The following SHANK2 variants were observed in gnomAD, a reference collection of about 807,000 sequenced individuals.
SHANK2 encodes SH3 and multiple ankyrin repeat domains 2.
Under a neutral mutation model 133.7 loss-of-function variants are expected in SHANK2, and 43 were observed. That is an observed-to-expected ratio of 0.32 (90% CI 0.25 to 0.41). SHANK2 has a LOEUF of 0.41. SHANK2 is among the 10% of genes least tolerant of loss of function. SHANK2 has a pLI of 1.00. For synonymous variants in SHANK2, 1,017 were observed against 952.8 expected, an observed-to-expected ratio of 1.07 and a Z score of -1.24; for missense variants, 1,994 against 2,235.8, an observed-to-expected ratio of 0.89 and a Z score of 2.18.
At chr11:71,114,820 T>C (rs1445054650) in intron 4 of SHANK2, among the ~76,000 whole-genome samples, 2 of 152,124 alleles carry the variant, frequency 1.3e-5, no homozygotes, top group Non-Finnish European at 2.9e-5. Context: ...CATGATCATG[T>C]GGCTAAGCTT....
At chr11:71,211,439 G>A (rs1402736059) in intron 2 of SHANK2, among the ~76,000 whole-genome samples, 2 of 151,828 alleles carry the variant, frequency 1.3e-5, no homozygotes, top group Non-Finnish European at 2.9e-5. Context: ...CTGGGGGGCT[G>A]AGGCGAGAGA....
At chr11:70,729,460 G>A (rs554771618) in intron 14 of SHANK2, among the ~76,000 whole-genome samples, 10 of 151,976 alleles carry the variant, frequency 6.6e-5, no homozygotes, top group South Asian at 2.1e-4. Flanking sequence ...TGGAGTGAGC[G>A]AGAGAGAGGT....
At chr11:70,943,529 G>C (rs1256324367) in intron 10 of SHANK2, among the ~76,000 whole-genome samples, 2 of 152,096 alleles carry the variant, frequency 1.3e-5, no homozygotes, top group African/African-American at 4.8e-5. Flanking sequence ...TTAGGGCACA[G>C]CAAACTCATG....
At chr11:70,912,400 G>A (rs782281818) in intron 10 of SHANK2, among the ~76,000 whole-genome samples, 17 of 152,208 alleles carry the variant, frequency 1.1e-4, no homozygotes, top group East Asian at 3.9e-4. Flanking sequence ...GGAGGGACCC[G>A]GGGAGAGGTA....
chr11:71,136,278 T>C (rs1220008916), intron 3 of SHANK2, among the ~76,000 whole-genome samples: 2 of 151,840 alleles, frequency 1.3e-5, no homozygotes, highest in Non-Finnish European at 2.9e-5. Flanking sequence ...CAAGGAAACG[T>C]GGTGCATATG....
At chr11:71,148,455 C>T (rs1378165277) in intron 2 of SHANK2, among the ~76,000 whole-genome samples, 2 of 152,202 alleles carry the variant, frequency 1.3e-5, no homozygotes, top group East Asian at 1.9e-4. Flanking sequence ...GCATCTATGA[C>T]ATCCCCCACC....
At chr11:71,139,965 G>T (rs782583485) in intron 3 of SHANK2, among the ~76,000 whole-genome samples, 1 of 152,180 alleles carries the variant, frequency 6.6e-6, no homozygotes, top group Non-Finnish European at 1.5e-5. Flanking sequence ...AAAAGGGGCC[G>T]CCCAGGTGCT....
At chr11:70,740,034 G>A (rs782197870) in intron 14 of SHANK2, among the ~76,000 whole-genome samples, 42 of 152,296 alleles carry the variant, frequency 2.8e-4, no homozygotes, top group Middle Eastern at 3.4e-3. Flanking sequence ...GGAATTTTGG[G>A]ATTGTTAATG....
At chr11:70,843,184 T>C (rs1555062220) in intron 11 of SHANK2, among the ~76,000 whole-genome samples, 1 of 141,946 alleles carries the variant, frequency 7.0e-6, no homozygotes, top group African/African-American at 2.7e-5. Flanking sequence ...AGGTGGTGAC[T>C]GTGACTGGGA....
At chr11:70,740,348 A>C (rs1946497806) in intron 14 of SHANK2, among the ~76,000 whole-genome samples, 1 of 152,200 alleles carries the variant, frequency 6.6e-6, no homozygotes, top group Admixed American at 6.5e-5. Context: ...CTGGGGATAG[A>C]AACACTGTAT....
intron 17 of SHANK2, among the ~76,000 whole-genome samples, chr11:70,628,644 C>G (rs2060936889): frequency 6.6e-6 from 1 of 152,228 alleles, no homozygotes; most frequent in African/African-American, 2.4e-5. Flanking sequence ...CCACACCCAG[C>G]ATCATGATGC....
At chr11:71,196,375 T>G (rs907825086) in intron 2 of SHANK2, among the ~76,000 whole-genome samples, 1 of 151,964 alleles carries the variant, frequency 6.6e-6, no homozygotes, top group Admixed American at 6.6e-5. Context: ...AACCTCTGCC[T>G]CCTGGGCTCA....
At chr11:71,171,126 T>A (rs782005992) in intron 2 of SHANK2, among the ~76,000 whole-genome samples, 1 of 152,218 alleles carries the variant, frequency 6.6e-6, no homozygotes, top group Non-Finnish European at 1.5e-5. Flanking sequence ...TTCTGTTTTC[T>A]CTTCTTCTAG....
chr11:70,806,586 T>G (rs1477053371), intron 13 of SHANK2, among the ~76,000 whole-genome samples: 1 of 152,146 alleles, frequency 6.6e-6, no homozygotes, highest in African/African-American at 2.4e-5. Context: ...TAGAATTCCT[T>G]CCTTTGAACA....
Position 70,786,627 on chromosome 11 carries a change from C to T in SHANK2, c.1777+11816G>A, listed in dbSNP as rs572053930. On this transcript the variant is annotated intron_variant, in intron 14 of 25. Coordinates refer to ENST00000601538, the MANE Select transcript of SHANK2 (RefSeq NM_012309.5). ...GTAAAATAATTTTTCTCAAGGGCAC[C>T]AAGTGTGGTGTTGATTTCTTTACAT... is the stretch of plus-strand genomic sequence containing the variant. 1.2e-4 allele frequency among the ~76,000 whole-genome samples: 19 copies of T among 152,154 alleles called. No homozygotes were observed. The South Asian group carries it at 3.9e-3, about 32-fold the overall frequency.
chr11:71,148,661 G>T (rs1952702412), intron 2 of SHANK2, among the ~76,000 whole-genome samples: 1 of 152,216 alleles, frequency 6.6e-6, no homozygotes, highest in African/African-American at 2.4e-5. Context: ...GAAATGCATG[G>T]TCACCCTGAT....
intron 3 of SHANK2, among the ~76,000 whole-genome samples, chr11:71,130,906 G>GA (rs1555103553): frequency 6.6e-6 from 1 of 152,170 alleles, no homozygotes; most frequent in Non-Finnish European, 1.5e-5. Context: ...AGGAAAGCCG[G>GA]AAAAAACTCC....
chr11:70,501,758 G>A (rs377365121), intron 20 of SHANK2, among the ~76,000 whole-genome samples, 165 bp downstream of exon 20: 4 of 151,410 alleles, frequency 2.6e-5, no homozygotes, highest in African/African-American at 9.7e-5. Context: ...GCTCTGCCAA[G>A]CCCACGCTAT....
chr11:70,568,883 C>T (rs4980540), intron 17 of SHANK2, among the ~76,000 whole-genome samples: 113,230 of 151,978 alleles, frequency 0.75, 42,438 homozygotes, highest in East Asian at 0.9. Context: ...CCCTTGGCAC[C>T]GCAACCCAGC....
Sources: gnomAD v4.1 joint callset for allele counts (sites outside exome capture counted in the v4.1 genomes callset) on GRCh38, gnomAD v4.1.1 for gene constraint, MANE v1.5 for transcripts, NCBI Gene and HGNC (gene_info 2026-07-23, HGNC 2026-07-21) for gene names.